KCNG3: variants seen among roughly 807,000 people sequenced by gnomAD.
KCNG3 encodes the protein voltage-gated potassium channel regulatory subunit KCNG3.
In KCNG3, 15 loss-of-function variants were observed where a neutral mutation model predicts 29.0. The observed-to-expected ratio is 0.52, with a 90% CI of 0.35 to 0.80. KCNG3 has a LOEUF of 0.80. KCNG3 is among the 30% of genes least tolerant of loss of function. The probability of loss-of-function intolerance (pLI) is 0.01; values close to 1 mark genes in which losing one functional copy is unlikely to be tolerated. For synonymous variants in KCNG3, 322 were observed against 248.9 expected, an observed-to-expected ratio of 1.29 and a Z score of -2.76; for missense variants, 512 against 605.7, an observed-to-expected ratio of 0.85 and a Z score of 1.62.
chr2:42,471,155 A>AGTGTGTGTGTGTGT lies in KCNG3; in HGVS notation c.665+21668_665+21681dup, dbSNP rs565717729. Reference sequence around the variant, plus strand: ...CAACAGAGTGAGACTGTCTCAAAAAAGTGTGTGTGTGTGTGTGTGTGTGTG... The same window carrying AGTGTGTGTGTGTGT: ...CAACAGAGTGAGACTGTCTCAAAAAAGTGTGTGTGTGTGTGTGTGTGTGTGTGTGTGTGTGTGTG... On this transcript the variant is annotated intron_variant, in intron 1 of 1. Transcript: ENST00000306078. Among the ~76,000 whole-genome samples the AGTGTGTGTGTGTGT allele has an allele frequency of 1.3e-3, 173 of 137,734 alleles. 2 individuals are homozygous for AGTGTGTGTGTGTGT. The highest frequency in any genetic ancestry group is 3.0e-3 in the South Asian group (12 of 4,042). 90.4% of individuals were successfully genotyped at this position (137,734 alleles called of 152,430 possible).
At chr2:42,407,643 G>A in the KCNG3 span, among the ~76,000 whole-genome samples, 1 of 152,258 alleles carries the variant, frequency 6.6e-6, no homozygotes, top group South Asian at 2.1e-4. Flanking sequence ...TTGGGGGGCA[G>A]CTGCAGCTGC....
chr2:42,394,429 A>C, the KCNG3 span, among the ~76,000 whole-genome samples: 1 of 152,070 alleles, frequency 6.6e-6, no homozygotes, highest in East Asian at 1.9e-4. Context: ...TTCTGCTCTA[A>C]CTTACCTGTA....
chr2:42,483,196 C>G lies in KCNG3; in HGVS notation c.665+9641G>C, dbSNP rs576858345. Among the ~76,000 whole-genome samples the G allele has an allele frequency of 2.5e-3, 386 of 152,104 alleles. 1 individual carries two copies. Among genetic ancestry groups the G allele is most frequent in the African/African-American group, 9.0e-3 (374 of 41,488 alleles). On this transcript the variant is annotated intron_variant, in intron 1 of 1. Transcript: ENST00000306078. Reference sequence around the variant, plus strand: ...TTCCAGATGTTTGCTATTAAATGTGCTATTAAATGTGTTATTAATATAGGA... The same window carrying G: ...TTCCAGATGTTTGCTATTAAATGTGGTATTAAATGTGTTATTAATATAGGA...
chr2:42,449,771 C>T (rs138012539), intron 1 of KCNG3, among the ~76,000 whole-genome samples: 269 of 152,180 alleles, frequency 1.8e-3, no homozygotes, highest in Non-Finnish European at 3.2e-3. Flanking sequence ...AAATTGGTTG[C>T]TATCTTAGGT....
intron 1 of KCNG3, among the ~76,000 whole-genome samples, chr2:42,464,484 G>A (rs183579926): frequency 3.0e-4 from 46 of 152,308 alleles, no homozygotes; most frequent in Admixed American, 2.3e-3. Flanking sequence ...AACATTCGCA[G>A]TACTAAAAGC....
chr2:42,439,114 T>C (rs904844684), downstream of KCNG3, among the ~76,000 whole-genome samples: 1 of 152,176 alleles, frequency 6.6e-6, no homozygotes, highest in Non-Finnish European at 1.5e-5. Flanking sequence ...AGTGCACAAC[T>C]GTACAGTAAT....
chr2:42,493,071 C>T lies in KCNG3; in HGVS notation c.431G>A (p.Gly144Glu), dbSNP rs1484945648. The T allele has an allele frequency of 1.3e-6, 2 of 1,544,192 alleles. No homozygotes were observed. Among genetic ancestry groups the T allele is most frequent in the Non-Finnish European group, 1.7e-6 (2 of 1,149,302 alleles). ...GCGCCTGGAGGGAGCCGCCTCGGCCCCGCCGGGGCGCGCCTCGTCGCGGCC... is the reference window on the plus strand; with the variant it reads ...GCGCCTGGAGGGAGCCGCCTCGGCCTCGCCGGGGCGCGCCTCGTCGCGGCC... ...VLGRDEARPGGAEAAPSRRWL... is the reference protein window; with the variant it reads ...VLGRDEARPGEAEAAPSRRWL... Residue 144 changes from glycine (G) to glutamate (E), a missense_variant, in exon 1 of 2, where the codon GGG (glycine) becomes GAG (glutamate). Gly to Glu is a moderately conservative substitution (Grantham distance 98). Coordinates refer to ENST00000306078, the MANE Select transcript of KCNG3 (RefSeq NM_133329.6).
the KCNG3 span, among the ~76,000 whole-genome samples, chr2:42,392,643 C>A: frequency 6.6e-6 from 1 of 152,014 alleles, no homozygotes; most frequent in African/African-American, 2.4e-5. Context: ...ATCTCCCTGA[C>A]TGACTAAAAT....
the KCNG3 span, among the ~76,000 whole-genome samples, chr2:42,405,604 A>C: frequency 6.7e-6 from 1 of 148,524 alleles, no homozygotes; most frequent in African/African-American, 2.5e-5. Context: ...ACATGTGACT[A>C]ATTTTTTTTT....
chr2:42,437,756 G>A (rs1023591754), downstream of KCNG3, among the ~76,000 whole-genome samples: 2 of 151,848 alleles, frequency 1.3e-5, no homozygotes, highest in African/African-American at 4.8e-5. Context: ...CGGCCAACAT[G>A]GCAAAACCCC....
At chr2:42,490,216 CTT>C (rs1462306711) in intron 1 of KCNG3, among the ~76,000 whole-genome samples, 3 of 152,094 alleles carry the variant, frequency 2.0e-5, no homozygotes, top group African/African-American at 7.2e-5. Context: ...TAAAAAATCT[CTT>C]TTATTTTGTT....
At chr2:42,456,568 A>C (rs1672878051) in intron 1 of KCNG3, among the ~76,000 whole-genome samples, 1 of 152,174 alleles carries the variant, frequency 6.6e-6, no homozygotes, top group Admixed American at 6.6e-5. Context: ...ACCATCTCTG[A>C]GCTCAGAGCC....
At chr2:42,405,509 G>C in the KCNG3 span, among the ~76,000 whole-genome samples, 65 of 151,566 alleles carry the variant, frequency 4.3e-4, 2 homozygotes, top group South Asian at 0.013. Flanking sequence ...CGTGATCTCA[G>C]CTCACTGCAG....
intron 1 of KCNG3, among the ~76,000 whole-genome samples, chr2:42,448,425 T>C (rs1262078519): frequency 1.3e-5 from 2 of 152,026 alleles, no homozygotes; most frequent in South Asian, 4.1e-4. Flanking sequence ...TCCTAATTTT[T>C]TTCCCCCACT....
At chr2:42,459,777 C>T (rs973631167) in intron 1 of KCNG3, among the ~76,000 whole-genome samples, 1 of 152,188 alleles carries the variant, frequency 6.6e-6, no homozygotes, top group Non-Finnish European at 1.5e-5. Flanking sequence ...GAGATCGAGA[C>T]CATGCTGGCT....
the KCNG3 span, among the ~76,000 whole-genome samples, chr2:42,391,530 C>A: frequency 5.5e-4 from 83 of 152,032 alleles, no homozygotes; most frequent in Admixed American, 8.5e-4. Flanking sequence ...TCCTTCCCAG[C>A]CTTCTCAATA....
At chr2:42,424,509 C>G in the KCNG3 span, among the ~76,000 whole-genome samples, 5 of 151,636 alleles carry the variant, frequency 3.3e-5, no homozygotes, top group African/African-American at 9.7e-5. Flanking sequence ...CACACTGGCT[C>G]TTAATTCTTT....
At chr2:42,466,036 C>T (rs1046804346) in intron 1 of KCNG3, among the ~76,000 whole-genome samples, 2 of 152,112 alleles carry the variant, frequency 1.3e-5, no homozygotes, top group African/African-American at 4.8e-5. Context: ...AACAATGGAT[C>T]GTATATATGA....
intron 1 of KCNG3, among the ~76,000 whole-genome samples, chr2:42,465,256 G>A (rs529585602): frequency 3.4e-5 from 5 of 148,386 alleles, no homozygotes; most frequent in South Asian, 2.1e-4. Context: ...TGGCTCTGTC[G>A]CTCAGCCTGG....
Sources: allele counts gnomAD v4.1 joint callset (sites outside exome capture counted in the v4.1 genomes callset), GRCh38; gene constraint gnomAD v4.1.1; transcripts MANE v1.5; gene names NCBI Gene and HGNC (gene_info 2026-07-23, HGNC 2026-07-21).